PIK3C3: variants seen among roughly 807,000 people sequenced by gnomAD.
The protein encoded by PIK3C3 is PI3-kinase type 3.
Under a neutral mutation model 126.1 loss-of-function variants are expected in PIK3C3, and 95 were observed. The observed-to-expected ratio is 0.75, with a 90% CI of 0.64 to 0.89. PIK3C3 has a LOEUF of 0.89. Among genes scored for constraint, PIK3C3 ranks in the 40% least tolerant of loss-of-function variants. The probability of loss-of-function intolerance (pLI) is 0.00; values close to 1 mark genes in which losing one functional copy is unlikely to be tolerated. For synonymous variants in PIK3C3, 374 were observed against 360.0 expected (o/e 1.04, Z -0.44); for missense variants, 829 against 1,063.2 (o/e 0.78, Z 3.06).
At chr18:42,045,195 C>T (rs989129558) in intron 20 of PIK3C3, among the ~76,000 whole-genome samples, 1 of 152,122 alleles carries the variant, frequency 6.6e-6, no homozygotes, top group African/African-American at 2.4e-5. Context: ...ACATATATTA[C>T]ATGTAACTGA....
At chr18:42,063,291 G>A (rs1985399054) in intron 22 of PIK3C3, among the ~76,000 whole-genome samples, 1 of 151,996 alleles carries the variant, frequency 6.6e-6, no homozygotes, top group African/African-American at 2.4e-5. Context: ...ATGAATGTGG[G>A]GACCCTGTTT....
chr18:41,998,942 A>G (rs755651122), intron 9 of PIK3C3, among the ~76,000 whole-genome samples: 4 of 152,164 alleles, frequency 2.6e-5, no homozygotes, highest in Non-Finnish European at 5.9e-5. Context: ...GTTACTTGAC[A>G]TTTGGGCCCT....
At chr18:42,055,479 G>A (rs1462672609) in intron 21 of PIK3C3, among the ~76,000 whole-genome samples, 1 of 152,002 alleles carries the variant, frequency 6.6e-6, no homozygotes, top group Non-Finnish European at 1.5e-5. Context: ...ATTGCTGTTT[G>A]CTACCTTCTG....
At position 42,082,110 on chromosome 18, in the gene PIK3C3, GGGAAA is replaced by G. The variant is rs1204345163; in HGVS notation, c.*974_*978del. The stretch of plus-strand genomic sequence containing the variant: ...CTCTAGCTTTTTTACTGGAACTTTG[GGGAAA>G]AAGAACAAATACAAATATACAAATG... On this transcript the variant is annotated 3_prime_UTR_variant, in exon 25 of 25. Transcript: ENST00000262039. The G allele has an allele frequency of 7.2e-5, 11 of 151,884 alleles. No individual in the cohort carries two copies. Among genetic ancestry groups the G allele is most frequent in the African/African-American group, 2.7e-4 (11 of 41,342 alleles). 9.4% of individuals were successfully genotyped at this position (151,884 alleles called of 1,614,324 possible).
At chr18:42,017,156 A>G (rs1427086818) in intron 12 of PIK3C3, among the ~76,000 whole-genome samples, 1 of 152,056 alleles carries the variant, frequency 6.6e-6, no homozygotes, top group Non-Finnish European at 1.5e-5. Context: ...ATTCCCATAG[A>G]GTGTATTGTA....
Position 42,029,442 on chromosome 18 carries a change from G to A in PIK3C3, c.1707+1G>A. 1 of 1,544,320 alleles carries A rather than the reference G, an allele frequency of 6.5e-7. No individual in the cohort carries two copies. On this transcript the variant is annotated splice_donor_variant, in intron 15 of 24. Coordinates refer to ENST00000262039, the MANE Select transcript of PIK3C3 (RefSeq NM_002647.4). LOFTEE classifies it high-confidence loss of function. ...CGAAAGTGGAAATCGTAAGAAAAAGGTAAGCCTATGGTGTATGCTTTTGTT... is the reference window on the plus strand; with the variant it reads ...CGAAAGTGGAAATCGTAAGAAAAAGATAAGCCTATGGTGTATGCTTTTGTT...
intron 24 of PIK3C3, among the ~76,000 whole-genome samples, chr18:42,076,149 T>TATATATATATGCACATATATATATGCAC (rs1488935372): frequency 2.3e-5 from 2 of 88,626 alleles, no homozygotes; most frequent in African/African-American, 1.3e-4. Context: ...TATATGCGCA[T>TATATATATATGCACATATATATATGCAC]ATATATATAT....
chr18:41,981,343 T>C (rs1169187767), intron 4 of PIK3C3, among the ~76,000 whole-genome samples: 1 of 152,210 alleles, frequency 6.6e-6, no homozygotes, highest in East Asian at 1.9e-4. Context: ...TTTACAGTTA[T>C]AGTTTCTGCC....
chr18:41,987,609 C>G (rs1279125608), intron 4 of PIK3C3, among the ~76,000 whole-genome samples: 1 of 151,872 alleles, frequency 6.6e-6, no homozygotes, highest in African/African-American at 2.4e-5. Flanking sequence ...AAATTATGGA[C>G]CTTTTTAAAA....
In PIK3C3 at chr18:42,013,424, C is replaced by CT. The variant is rs770216527; in HGVS notation, c.1171-10dup. 101 of 1,434,076 alleles carry CT rather than the reference C, an allele frequency of 7.0e-5. No individual in the cohort carries two copies. The highest frequency in any genetic ancestry group is 1.9e-4 in the Middle Eastern group (1 of 5,400). 88.8% of individuals were successfully genotyped at this position (1,434,076 alleles called of 1,614,324 possible). ...GCATTCTTTTCCTAATATTACTTTA[C>CT]TTTTTTTTGTTTTCCAGGATTTGTT... is the stretch of plus-strand genomic sequence containing the variant. On this transcript the variant is annotated splice_polypyrimidine_tract_variant and intron_variant, in intron 10 of 24. Transcript: ENST00000262039.
intron 4 of PIK3C3, among the ~76,000 whole-genome samples, chr18:41,984,662 C>T (rs576245267): frequency 3.3e-5 from 5 of 152,096 alleles, no homozygotes; most frequent in Non-Finnish European, 7.3e-5. Context: ...TTTCTGCTGC[C>T]TAAAGTCCAG....
intron 3 of PIK3C3, among the ~76,000 whole-genome samples, chr18:41,969,620 T>A (rs1373275307): frequency 6.6e-6 from 1 of 152,240 alleles, no homozygotes; most frequent in African/African-American, 2.4e-5. Context: ...TTGTATTCAC[T>A]TTTAGAACAT....
At chr18:42,055,003 C>G (rs1984998225) in intron 21 of PIK3C3, among the ~76,000 whole-genome samples, 1 of 151,556 alleles carries the variant, frequency 6.6e-6, no homozygotes, top group Non-Finnish European at 1.5e-5. Context: ...TAATATATTT[C>G]AAAAATTTCT....
intron 13 of PIK3C3, chr18:42,026,244 A>T (rs1212015119): frequency 3.3e-5 from 5 of 152,222 alleles, no homozygotes; most frequent in Admixed American, 1.3e-4. Context: ...TGATGAAGCA[A>T]GCAAGTTGAT....
Position 42,015,205 on chromosome 18 carries a change from T to TAAACAAAC in PIK3C3, c.1326-249_1326-242dup, listed in dbSNP as rs113923091. Among the ~76,000 whole-genome samples the TAAACAAAC allele has an allele frequency of 1.4e-3, 217 of 151,814 alleles. 2 individuals carry two copies. The highest frequency in any genetic ancestry group is 4.2e-3 in the African/African-American group (174 of 41,216). Reference sequence around the variant, plus strand: ...ATGCTAGTTTAAAGCTAAATGGGCTTAAACAAACAAACAAACAAACAAACA... The same window carrying TAAACAAAC: ...ATGCTAGTTTAAAGCTAAATGGGCTTAAACAAACAAACAAACAAACAAACAAACAAACA... On this transcript the variant is annotated intron_variant, in intron 11 of 24. Coordinates refer to ENST00000262039, the MANE Select transcript of PIK3C3 (RefSeq NM_002647.4).
intron 2 of PIK3C3, 83 bp from the exon 3 acceptor site, chr18:41,962,406 C>T (rs994134964): frequency 1.9e-4 from 222 of 1,189,254 alleles, no homozygotes; most frequent in Non-Finnish European, 2.3e-4. Flanking sequence ...TTCCTCTGGC[C>T]AAAACTTTTT....
intron 24 of PIK3C3, among the ~76,000 whole-genome samples, chr18:42,076,212 A>G: frequency 7.0e-6 from 1 of 142,806 alleles, no homozygotes; most frequent in Non-Finnish European, 1.5e-5. Context: ...ATATATGCAC[A>G]TATATATATG....
rs190587646 is a variant in PIK3C3 at position 41,955,703 on chromosome 18, G to A, written c.68+344G>A. On this transcript the variant is annotated intron_variant, in intron 1 of 24. Transcript: ENST00000262039. ...AATCAAGTCTCGTCGTAAGTAAGAG[G>A]ACGATCTTTATTTTGGAACGGGGCT... 2.0e-3 allele frequency among the ~76,000 whole-genome samples: 300 copies of A among 152,322 alleles called. 2 individuals are homozygous for A. Among genetic ancestry groups the A allele is most frequent in the African/African-American group, 6.8e-3 (283 of 41,570 alleles).
chr18:41,962,133 T>C (rs1218890060), intron 2 of PIK3C3, among the ~76,000 whole-genome samples: 7 of 152,148 alleles, frequency 4.6e-5, no homozygotes, highest in Non-Finnish European at 5.9e-5. Context: ...ATAATGTAAA[T>C]TGGGTTTTGA....
Sources: gnomAD v4.1 joint callset for allele counts (sites outside exome capture counted in the v4.1 genomes callset) on GRCh38, gnomAD v4.1.1 for gene constraint, MANE v1.5 for transcripts, NCBI Gene and HGNC (gene_info 2026-07-23, HGNC 2026-07-21) for gene names.